Variants in ESRRG observed in about 807,000 individuals in gnomAD.
ESRRG encodes estrogen-related receptor gamma.
A neutral mutation model predicts 44.0 loss-of-function variants in ESRRG; 13 were observed. The ratio of observed to expected loss-of-function variants is 0.30; its 90% CI spans 0.19 to 0.47. ESRRG has a LOEUF of 0.47. ESRRG is among the 20% of genes least tolerant of loss of function. The pLI is 1.00. For synonymous variants in ESRRG, 215 were observed against 214.6 expected, an observed-to-expected ratio of 1.00 and a Z score of -0.02; for missense variants, 395 against 580.6, an observed-to-expected ratio of 0.68 and a Z score of 3.29.
chr1:217,018,136 T>C (rs2079711414), intron 1 of ESRRG, among the ~76,000 whole-genome samples: 1 of 152,180 alleles, frequency 6.6e-6, no homozygotes, highest in East Asian at 1.9e-4. Context: ...GAAATAATGG[T>C]TATTAAATGT....
chr1:217,075,032 C>T lies in ESRRG; in HGVS notation c.-106+14475G>A, dbSNP rs115493135. 5.6e-3 allele frequency among the ~76,000 whole-genome samples: 851 copies of T among 152,286 alleles called. 9 individuals are homozygous for T. The highest frequency in any genetic ancestry group is 0.019 in the African/African-American group (808 of 41,544). On this transcript the variant is annotated intron_variant, in intron 1 of 7. Coordinates refer to the ESRRG transcript ENST00000359162. ...CTGCATATACCGAAGCCTAAACATA[C>T]TCAAGTCCTGCAATCAGCCCTGCTG...
chr1:216,895,954 T>C (rs1051992902), intron 2 of ESRRG, among the ~76,000 whole-genome samples: 2 of 152,180 alleles, frequency 1.3e-5, no homozygotes, highest in African/African-American at 4.8e-5. Flanking sequence ...TAACTAGAGA[T>C]TCAAAATCCA....
At chr1:217,107,850 T>C (rs780089002) in intron 1 of ESRRG, among the ~76,000 whole-genome samples, 5 of 152,188 alleles carry the variant, frequency 3.3e-5, no homozygotes, top group Non-Finnish European at 7.3e-5. Context: ...AATATAATTT[T>C]ATGCCATAAA....
Position 216,948,118 on chromosome 1 carries a change from C to T in ESRRG, c.-105-8445G>A, listed in dbSNP as rs1004270579. 2.6e-5 allele frequency among the ~76,000 whole-genome samples: 4 copies of T among 152,132 alleles called. 1 individual carries two copies. The highest frequency in any genetic ancestry group is 5.9e-5 in the Non-Finnish European group (4 of 68,018). On this transcript the variant is annotated intron_variant, in intron 1 of 7. Coordinates refer to the ESRRG transcript ENST00000359162. ...AAAATTAACTTTTATTATGTTTGAACATCAAATATTTGGGAGTTTGTTTGA... is the reference window on the plus strand; with the variant it reads ...AAAATTAACTTTTATTATGTTTGAATATCAAATATTTGGGAGTTTGTTTGA...
intron 1 of ESRRG, among the ~76,000 whole-genome samples, chr1:216,997,030 A>G (rs534855990): frequency 1.6e-4 from 25 of 152,366 alleles, no homozygotes; most frequent in African/African-American, 5.3e-4. Context: ...GAATTAGATG[A>G]CATTATGACA....
intron 2 of ESRRG, among the ~76,000 whole-genome samples, chr1:216,861,447 A>G (rs141187662): frequency 4.6e-5 from 7 of 152,196 alleles, no homozygotes; most frequent in Admixed American, 3.9e-4. Flanking sequence ...ATCATTACAC[A>G]TTGTATACAT....
At chr1:216,933,803 A>C (rs1410827181) in intron 2 of ESRRG, among the ~76,000 whole-genome samples, 1 of 152,120 alleles carries the variant, frequency 6.6e-6, no homozygotes. Flanking sequence ...TGCATCACTG[A>C]ACTCTCTGCT....
At chr1:216,664,996 T>G (rs1208819240) in intron 2 of ESRRG, among the ~76,000 whole-genome samples, 1 of 152,132 alleles carries the variant, frequency 6.6e-6, no homozygotes, top group African/African-American at 2.4e-5. Context: ...AAGAGAGGAA[T>G]GCACAAAGAA....
chr1:216,769,842 T>C (rs2093304178), intron 2 of ESRRG, among the ~76,000 whole-genome samples: 1 of 152,090 alleles, frequency 6.6e-6, no homozygotes, highest in African/African-American at 2.4e-5. Context: ...AATATGGAAA[T>C]CACACAAAGA....
chr1:216,734,904 C>CTTTT lies in ESRRG; in HGVS notation c.-13-57417_-13-57414dup, dbSNP rs11309409. On this transcript the variant is annotated intron_variant, in intron 2 of 7. Transcript: ENST00000359162. ...GTTGGCTACTACATAGTTCCATATTCTTTTTTTTTTTTTTTTTTTTTTGAG... is the reference window on the plus strand; with the variant it reads ...GTTGGCTACTACATAGTTCCATATTCTTTTTTTTTTTTTTTTTTTTTTTTTTGAG... Among the ~76,000 whole-genome samples the CTTTT allele has an allele frequency of 2.7e-3, 272 of 100,330 alleles. 4 individuals carry two copies. Among genetic ancestry groups the CTTTT allele is most frequent in the African/African-American group, 8.3e-3 (207 of 24,828 alleles). The allele number at this position is 100,330 out of a possible 152,430, so 65.8% of individuals were successfully genotyped here.
intron 5 of ESRRG, among the ~76,000 whole-genome samples, chr1:216,522,014 C>T (rs1466334520): frequency 1.3e-5 from 2 of 152,064 alleles, no homozygotes; most frequent in Non-Finnish European, 2.9e-5. Flanking sequence ...CTGTGATTTA[C>T]AAATTAACAA....
intron 5 of ESRRG, among the ~76,000 whole-genome samples, chr1:216,549,135 C>T (rs1009097814): frequency 1.3e-5 from 2 of 152,040 alleles, no homozygotes; most frequent in African/African-American, 4.8e-5. Context: ...ATGTTCTTCA[C>T]ATGCTATTTA....
intron 1 of ESRRG, among the ~76,000 whole-genome samples, chr1:216,973,718 C>T (rs1260205346): frequency 6.6e-6 from 1 of 151,512 alleles, no homozygotes; most frequent in Non-Finnish European, 1.5e-5. Context: ...CCCAGCTACT[C>T]GGGAGGCTGA....
intron 1 of ESRRG, among the ~76,000 whole-genome samples, chr1:216,969,121 G>C (rs2071081793): frequency 1.3e-5 from 2 of 152,030 alleles, no homozygotes; most frequent in South Asian, 4.1e-4. Context: ...ATTCACTCAT[G>C]CATTTACTTA....
chr1:216,862,045 G>A (rs2096062642), intron 2 of ESRRG, among the ~76,000 whole-genome samples: 1 of 152,102 alleles, frequency 6.6e-6, no homozygotes, highest in South Asian at 2.1e-4. Context: ...CTAAACTAAG[G>A]ATTTGGAGCA....
chr1:217,005,558 T>C (rs2077625362), intron 1 of ESRRG, among the ~76,000 whole-genome samples: 1 of 152,200 alleles, frequency 6.6e-6, no homozygotes, highest in Non-Finnish European at 1.5e-5. Flanking sequence ...GGACTTGTTA[T>C]GTAATGTTCT....
chr1:216,611,840 G>C lies in ESRRG; in HGVS notation c.589+39133C>G, dbSNP rs528431217. ...TCACAAAATAGAAGTGCTTTCTTTT[G>C]GATATGTTGAATTTCTCCAGGCAAA... On this transcript the variant is annotated intron_variant, in intron 3 of 6. Coordinates refer to ENST00000408911, the MANE Select transcript of ESRRG (RefSeq NM_001438.4). 7.9e-4 allele frequency among the ~76,000 whole-genome samples: 120 copies of C among 152,248 alleles called. No homozygotes were observed. The Middle Eastern group carries it at 0.01, about 13-fold the overall frequency.
chr1:216,613,390 A>G (rs1354821600), intron 3 of ESRRG, among the ~76,000 whole-genome samples: 2 of 152,176 alleles, frequency 1.3e-5, no homozygotes, highest in Admixed American at 1.3e-4. Flanking sequence ...CAAACACAGA[A>G]TGTGTTTATT....
chr1:216,666,456 T>C (rs1014323434), intron 2 of ESRRG, among the ~76,000 whole-genome samples: 4 of 152,210 alleles, frequency 2.6e-5, no homozygotes, highest in African/African-American at 9.6e-5. Flanking sequence ...TGCCGTTCAG[T>C]AGACTGAGGC....
Sources: allele counts gnomAD v4.1 joint callset (sites outside exome capture counted in the v4.1 genomes callset), GRCh38; gene constraint gnomAD v4.1.1; transcripts MANE v1.5; gene names NCBI Gene and HGNC (gene_info 2026-07-23, HGNC 2026-07-21).